The following CPQ variants were observed in gnomAD, a reference collection of about 807,000 sequenced individuals.
The protein encoded by CPQ is Ser-Met dipeptidase.
A neutral mutation model predicts 45.7 loss-of-function variants in CPQ; 37 were observed. The ratio of observed to expected loss-of-function variants is 0.81; its 90% CI spans 0.62 to 1.07. CPQ has a LOEUF of 1.07. Among genes scored for constraint, CPQ ranks in the 50% least tolerant of loss-of-function variants. CPQ has a pLI of 0.00. For missense variants in CPQ, 537 were observed against 572.9 expected (o/e 0.94, Z 0.64); for synonymous variants, 186 against 205.8 (o/e 0.90, Z 0.82).
chr8:96,696,942 GA>G (rs1263792209), intron 1 of CPQ, among the ~76,000 whole-genome samples: 1 of 152,090 alleles, frequency 6.6e-6, no homozygotes, highest in Non-Finnish European at 1.5e-5. Context: ...AATGTTTAAG[GA>G]AAAACTAATA....
intron 3 of CPQ, among the ~76,000 whole-genome samples, chr8:96,842,632 G>C (rs1811627854): frequency 6.6e-6 from 1 of 152,084 alleles, no homozygotes; most frequent in Non-Finnish European, 1.5e-5. Flanking sequence ...TACATTCTTT[G>C]TTTGGAAAGC....
intron 1 of CPQ, among the ~76,000 whole-genome samples, chr8:96,650,890 A>T (rs1427439717): frequency 1.3e-5 from 2 of 152,324 alleles, no homozygotes; most frequent in Non-Finnish European, 2.9e-5. Flanking sequence ...TTATGATTAA[A>T]TTTTTTATGA....
At chr8:96,694,877 C>T (rs575153344) in intron 1 of CPQ, among the ~76,000 whole-genome samples, 1 of 152,046 alleles carries the variant, frequency 6.6e-6, no homozygotes, top group Non-Finnish European at 1.5e-5. Context: ...CAGTTTTTTC[C>T]AATTCTGTGA....
intron 5 of CPQ, among the ~76,000 whole-genome samples, chr8:97,009,745 G>A (rs1809448734): frequency 2.0e-5 from 3 of 152,156 alleles, no homozygotes; most frequent in Admixed American, 6.5e-5. Context: ...AGTCTAGTGA[G>A]GGAGTAACGA....
chr8:96,904,688 T>C (rs1268124024), intron 4 of CPQ, among the ~76,000 whole-genome samples: 3 of 151,898 alleles, frequency 2.0e-5, no homozygotes, highest in South Asian at 2.1e-4. Flanking sequence ...AGAAAGGAGA[T>C]TGGGGAGAGG....
chr8:97,143,257 C>T lies in CPQ; in HGVS notation c.*74C>T. ...TCTGCAACTTTGGAAAACTCCTCTT[C>T]ACATAACAATTTCATCCAATTCATC... is the stretch of plus-strand genomic sequence containing the variant. On this transcript the variant is annotated 3_prime_UTR_variant, in exon 8 of 8. Coordinates refer to ENST00000220763, the MANE Select transcript of CPQ (RefSeq NM_016134.4). 1 of 1,404,772 alleles carries T rather than the reference C, an allele frequency of 7.1e-7. No homozygotes were observed. The highest frequency in any genetic ancestry group is 1.4e-5 in the African/African-American group (1 of 70,094). The allele number at this position is 1,404,772 out of a possible 1,614,324, so 87.0% of individuals were successfully genotyped here.
chr8:96,875,705 G>A (rs1812136492), intron 3 of CPQ, among the ~76,000 whole-genome samples: 1 of 151,846 alleles, frequency 6.6e-6, no homozygotes, highest in South Asian at 2.1e-4. Context: ...TAGTTTTATG[G>A]TAAGTTTTTA....
chr8:97,127,958 G>A (rs1198805610), intron 7 of CPQ, among the ~76,000 whole-genome samples: 1 of 152,156 alleles, frequency 6.6e-6, no homozygotes, highest in Non-Finnish European at 1.5e-5. Flanking sequence ...GACTGAAAAG[G>A]ACCATGAGTG....
chr8:96,946,639 C>T (rs1453478498), intron 4 of CPQ, among the ~76,000 whole-genome samples: 1 of 146,054 alleles, frequency 6.8e-6, no homozygotes, highest in Non-Finnish European at 1.5e-5. Flanking sequence ...CATGCCCCTC[C>T]ATAATTCTGA....
At chr8:96,935,793 A>C (rs1427096066) in intron 4 of CPQ, among the ~76,000 whole-genome samples, 2 of 152,180 alleles carry the variant, frequency 1.3e-5, no homozygotes, top group Non-Finnish European at 2.9e-5. Context: ...GTGGCATAGC[A>C]TAAAATACTT....
At chr8:96,794,124 G>A (rs899144678) in intron 2 of CPQ, among the ~76,000 whole-genome samples, 1 of 152,182 alleles carries the variant, frequency 6.6e-6, no homozygotes, top group Non-Finnish European at 1.5e-5. Context: ...GACTCTGTGT[G>A]GGGGCTCTGA....
chr8:96,967,886 G>T (rs1315280978), intron 5 of CPQ, among the ~76,000 whole-genome samples: 1 of 152,100 alleles, frequency 6.6e-6, no homozygotes, highest in Non-Finnish European at 1.5e-5. Context: ...TCTGTGAAAT[G>T]GGATAATAAT....
intron 1 of CPQ, among the ~76,000 whole-genome samples, chr8:96,753,515 C>CTTGAGTATTA: frequency 1.4e-5 from 2 of 139,304 alleles, no homozygotes; most frequent in Non-Finnish European, 1.7e-5. Flanking sequence ...TTTAAGTTTT[C>CTTGAGTATTA]TTCTATCTTG....
At chr8:96,964,209 C>T (rs1407932124) in intron 4 of CPQ, among the ~76,000 whole-genome samples, 4 of 144,140 alleles carry the variant, frequency 2.8e-5, no homozygotes, top group Non-Finnish European at 6.2e-5. Context: ...CACACACACA[C>T]ACACACACAT....
In CPQ at chr8:96,970,550, G is replaced by A. The variant is rs959690379; in HGVS notation, c.961+4504G>A. Among the ~76,000 whole-genome samples, 10 of 151,160 alleles carry A rather than the reference G, an allele frequency of 6.6e-5. No homozygotes were observed. The East Asian group carries it at 1.9e-3, about 29-fold the overall frequency. On this transcript the variant is annotated intron_variant, in intron 5 of 7. Coordinates refer to ENST00000220763, the MANE Select transcript of CPQ (RefSeq NM_016134.4). ...AAAATTTAAATCTAGGCAGCCTGAC[G>A]CCATGCCCAACACTCTTTTTTTTTT...
At chr8:96,886,650 G>A (rs1401101214) in intron 4 of CPQ, among the ~76,000 whole-genome samples, 1 of 152,190 alleles carries the variant, frequency 6.6e-6, no homozygotes, top group Non-Finnish European at 1.5e-5. Context: ...CAGCAAATAT[G>A]TGGTACAAAC....
chr8:96,991,553 C>CATA lies in CPQ; in HGVS notation c.961+25555_961+25557dup, dbSNP rs36215104. On this transcript the variant is annotated intron_variant, in intron 5 of 7. Transcript: ENST00000220763. ...CCTGGGAGACAGAACAAGAGTCTGT[C>CATA]ATAATAATAATAATAATAATAATAA... 5.3e-3 allele frequency among the ~76,000 whole-genome samples: 747 copies of CATA among 139,966 alleles called. 2 individuals are homozygous for CATA. Among genetic ancestry groups the CATA allele is most frequent in the East Asian group, 0.011 (54 of 4,756 alleles). The allele number at this position is 139,966 out of a possible 152,430, so 91.8% of individuals were successfully genotyped here.
chr8:96,945,170 C>G (rs1044438781), intron 4 of CPQ, among the ~76,000 whole-genome samples: 6 of 152,150 alleles, frequency 3.9e-5, no homozygotes, highest in African/African-American at 1.4e-4. Flanking sequence ...ATGAGCAGGA[C>G]GGCCATGGGC....
intron 7 of CPQ, among the ~76,000 whole-genome samples, chr8:97,083,352 A>G (rs966487704): frequency 2.6e-5 from 4 of 152,168 alleles, no homozygotes; most frequent in African/African-American, 9.7e-5. Context: ...AAACATTGCA[A>G]AAGAGGCACA....
Sources: allele counts gnomAD v4.1 joint callset (sites outside exome capture counted in the v4.1 genomes callset), GRCh38; gene constraint gnomAD v4.1.1; transcripts MANE v1.5; gene names NCBI Gene and HGNC (gene_info 2026-07-23, HGNC 2026-07-21).